Variants in RTRAF observed in about 807,000 individuals in gnomAD.
RTRAF encodes the protein tRNA-splicing ligase complex subunit RTRAF.
Under a neutral mutation model 34.4 loss-of-function variants are expected in RTRAF, and 14 were observed. That is an observed-to-expected ratio of 0.41 (90% CI 0.27 to 0.64). The LOEUF is 0.64. RTRAF is among the 30% of genes least tolerant of loss of function. The pLI, the probability that RTRAF is intolerant of heterozygous loss-of-function variation, is 0.34. For synonymous variants in RTRAF, 96 were observed against 95.3 expected (o/e 1.01, Z -0.04); for missense variants, 291 against 288.4 (o/e 1.01, Z -0.06).
At chr14:51,992,921 C>G (rs1890455666) in intron 2 of RTRAF, among the ~76,000 whole-genome samples, 2 of 151,998 alleles carry the variant, frequency 1.3e-5, no homozygotes, top group Non-Finnish European at 2.9e-5. Flanking sequence ...TCTCAGCTGC[C>G]CAGGGGGCTG....
rs2140325051 is a variant in RTRAF, at chr14:51,989,569, G to T, written c.-71G>T. 5 of 1,503,230 alleles carry T rather than the reference G, an allele frequency of 3.3e-6. No homozygotes were observed. The highest frequency in any genetic ancestry group is 2.6e-5 in the East Asian group (1 of 38,866). 93.1% of individuals were successfully genotyped at this position (1,503,230 alleles called of 1,614,324 possible). On this transcript the variant is annotated 5_prime_UTR_variant, in exon 1 of 8. Coordinates refer to ENST00000261700, the MANE Select transcript of RTRAF (RefSeq NM_016039.3). ...CCCTCTCGCCGCGTCGCCGGTGCCT[G>T]CGCCTCCCGCTCCACCTCGCTTCTT... is the stretch of plus-strand genomic sequence containing the variant.
At position 51,998,525 on chromosome 14, in the gene RTRAF, T is replaced by G. The variant is rs1223261556; in HGVS notation, c.318T>G (p.Asn106Lys). The G allele has an allele frequency of 6.3e-7, 1 of 1,590,322 alleles. No individual in the cohort carries two copies. The highest frequency in any genetic ancestry group is 8.6e-7 in the Non-Finnish European group (1 of 1,168,236). The change falls in exon 4 of 8, where the codon AAT (asparagine) becomes AAG (lysine). Residue 106 changes from asparagine (N) to lysine (K), a missense_variant. Physicochemically the swap from Asn to Lys is moderately conservative, Grantham distance 94. Coordinates refer to ENST00000261700, the MANE Select transcript of RTRAF (RefSeq NM_016039.3). ...AATACAAGGATTTAGTACCTGATAA[T>G]TCAAAAACTGCTGACAATGCAACTA... Reference protein sequence around the residue: ...AEKYKDLVPDNSKTADNATKN... With the variant: ...AEKYKDLVPDKSKTADNATKN...
chr14:51,995,845 A>G (rs1890513181), intron 3 of RTRAF, among the ~76,000 whole-genome samples: 1 of 152,206 alleles, frequency 6.6e-6, no homozygotes, highest in South Asian at 2.1e-4. Flanking sequence ...TAGAAAATAC[A>G]TGTATTCATA....
At chr14:51,996,286 CAG>C (rs1890520677) in intron 3 of RTRAF, among the ~76,000 whole-genome samples, 1 of 152,086 alleles carries the variant, frequency 6.6e-6, no homozygotes, top group Middle Eastern at 3.2e-3. Flanking sequence ...ATTGCAAAAA[CAG>C]ACTTGAAAAT....
rs1262592267 is a variant in RTRAF at position 52,005,950 on chromosome 14, C to T, written c.*1434C>T. The T allele has an allele frequency of 7.3e-6, 6 of 819,750 alleles. No homozygotes were observed. Among genetic ancestry groups the T allele is most frequent in the Admixed American group, 3.9e-5 (2 of 51,044 alleles). The allele number at this position is 819,750 out of a possible 1,614,324, so 50.8% of individuals were successfully genotyped here. On this transcript the variant is annotated 3_prime_UTR_variant, in exon 8 of 8. Coordinates refer to ENST00000261700, the MANE Select transcript of RTRAF (RefSeq NM_016039.3). ...AGTTGCAATAGAGGAAAATTTCTGG[C>T]AGCCTTCTCTGTCCCAGGGCTGGTG...
intron 6 of RTRAF, among the ~76,000 whole-genome samples, chr14:52,002,746 ATGT>A (rs1187388774): frequency 6.6e-6 from 1 of 152,142 alleles, no homozygotes; most frequent in Non-Finnish European, 1.5e-5. Flanking sequence ...GGGCACAACT[ATGT>A]TGTTTGTCCT....
chr14:52,004,370 C>A lies in RTRAF; in HGVS notation c.589C>A (p.Leu197Ile). The A allele has an allele frequency of 1.2e-6, 2 of 1,613,374 alleles. No individual in the cohort carries two copies. The highest frequency in any genetic ancestry group is 1.3e-5 in the African/African-American group (1 of 74,960). ...ILGFDTGDAV[L>I]NEAAQILRLL... ...CTTTTCTCATAAAACAGATGCAGTT[C>A]TTAATGAAGCTGCTCAAATTCTGCG... is the stretch of plus-strand genomic sequence containing the variant. Residue 197 changes from leucine (L) to isoleucine (I), a missense_variant, in exon 8 of 8, where the codon CTT becomes ATT. Physicochemically the swap from Leu to Ile is conservative, Grantham distance 5. Transcript: ENST00000261700.
rs1890739407 is a variant in RTRAF at position 52,005,544 on chromosome 14, G to A, written c.*1028G>A. ...GGACAGGGTGGTGGGTGAGTATATT[G>A]TAACCAAGTTGCAACAGCAAGTCTT... On this transcript the variant is annotated 3_prime_UTR_variant, in exon 8 of 8. Transcript: ENST00000261700. 1 of 1,581,804 alleles carries A rather than the reference G, an allele frequency of 6.3e-7. No homozygotes were observed. The highest frequency in any genetic ancestry group is 8.6e-7 in the Non-Finnish European group (1 of 1,164,746).
chr14:51,998,743 A>G (rs984859801), intron 4 of RTRAF, among the ~76,000 whole-genome samples, 163 bp downstream of exon 4: 6 of 151,910 alleles, frequency 3.9e-5, no homozygotes, highest in Admixed American at 1.3e-4. Context: ...TGTTTTTATG[A>G]TGTGCTTTCT....
Position 52,007,951 on chromosome 14 carries a change from CTGTCCAGTACAAG to C in RTRAF, c.*3437_*3449del. On this transcript the variant is annotated 3_prime_UTR_variant, in exon 8 of 8. Coordinates refer to ENST00000261700, the MANE Select transcript of RTRAF (RefSeq NM_016039.3). ...ATTTTAGGAGCTTCTCTATTCCAGT[CTGTCCAGTACAAG>C]TTGCTGTAAGTTAAAAATCAAGATT... The C allele has an allele frequency of 6.2e-7, 1 of 1,604,128 alleles. No individual in the cohort carries two copies. The highest frequency in any genetic ancestry group is 8.5e-7 in the Non-Finnish European group (1 of 1,177,010).
In RTRAF at chr14:51,993,814, G is replaced by C; in HGVS notation, c.278G>C (p.Gly93Ala). 6 of 1,561,652 alleles carry C rather than the reference G, an allele frequency of 3.8e-6. No individual in the cohort carries two copies. The highest frequency in any genetic ancestry group is 5.2e-6 in the Non-Finnish European group (6 of 1,142,934). The change falls in exon 3 of 8, where the codon GGA becomes GCA. Residue 93 changes from glycine to alanine, a missense_variant. Coordinates refer to ENST00000261700, the MANE Select transcript of RTRAF (RefSeq NM_016039.3). ...LLGLAVRLEY[G>A]DNAEKYKDLV... ...GGTTTAGCTGTTAGACTTGAATATG[G>C]AGATAATGGTACGTTTTGTGGGGAA...
At chr14:51,997,959 C>T (rs568157565) in intron 3 of RTRAF, 15 of 151,898 alleles carry the variant, frequency 9.9e-5, no homozygotes, top group African/African-American at 3.6e-4. Context: ...ATATTTGTGT[C>T]ACATAGTCCA....
rs1368269398 is a variant in RTRAF at position 52,008,761 on chromosome 14, T to C, written c.*4245T>C. On this transcript the variant is annotated 3_prime_UTR_variant, in exon 8 of 8. Coordinates refer to ENST00000261700, the MANE Select transcript of RTRAF (RefSeq NM_016039.3). ...TTAGGAATGGCTTCGATACAAACTA[T>C]GGAACTTGAAGAGATGTGGACCAGG... The C allele has an allele frequency of 6.6e-6, 1 of 152,190 alleles. No individual in the cohort carries two copies. The highest frequency in any genetic ancestry group is 1.5e-5 in the Non-Finnish European group (1 of 68,016). 9.4% of individuals were successfully genotyped at this position (152,190 alleles called of 1,614,324 possible).
In RTRAF at chr14:51,989,567, C is replaced by T. The variant is rs1189138714; in HGVS notation, c.-73C>T. On this transcript the variant is annotated 5_prime_UTR_variant, in exon 1 of 8. Coordinates refer to ENST00000261700, the MANE Select transcript of RTRAF (RefSeq NM_016039.3). ...CGCCCTCTCGCCGCGTCGCCGGTGCCTGCGCCTCCCGCTCCACCTCGCTTC... is the reference window on the plus strand; with the variant it reads ...CGCCCTCTCGCCGCGTCGCCGGTGCTTGCGCCTCCCGCTCCACCTCGCTTC... The T allele has an allele frequency of 4.0e-6, 6 of 1,498,154 alleles. No individual in the cohort carries two copies. The highest frequency in any genetic ancestry group is 1.4e-5 in the African/African-American group (1 of 70,598). The allele number at this position is 1,498,154 out of a possible 1,614,324, so 92.8% of individuals were successfully genotyped here.
In RTRAF at chr14:52,004,556, T is replaced by TGGGAACCATACACTTCTGGCATG. The variant is rs1890679258; in HGVS notation, c.*41_*63dup. The TGGGAACCATACACTTCTGGCATG allele has an allele frequency of 6.3e-7, 1 of 1,575,962 alleles. No homozygotes were observed. The highest frequency in any genetic ancestry group is 2.3e-5 in the East Asian group (1 of 44,444). ...CAGCTTCTCACCTACTTAGTACAGTTGGGAACCATACACTTCTGGCATGTT... is the reference window on the plus strand; with the variant it reads ...CAGCTTCTCACCTACTTAGTACAGTTGGGAACCATACACTTCTGGCATGGGGAACCATACACTTCTGGCATGTT... On this transcript the variant is annotated 3_prime_UTR_variant, in exon 8 of 8. Coordinates refer to ENST00000261700, the MANE Select transcript of RTRAF (RefSeq NM_016039.3).
chr14:51,990,618 G>A (rs1257422142), intron 1 of RTRAF, among the ~76,000 whole-genome samples: 1 of 152,148 alleles, frequency 6.6e-6, no homozygotes, highest in Non-Finnish European at 1.5e-5. Context: ...TAACAAAAAA[G>A]TATCAGTGAC....
At chr14:52,001,631 C>A (rs906447965) in intron 5 of RTRAF, among the ~76,000 whole-genome samples, 167 bp from the exon 6 acceptor site, 1 of 152,052 alleles carries the variant, frequency 6.6e-6, no homozygotes, top group Non-Finnish European at 1.5e-5. Context: ...TGAAAGGTTA[C>A]GTTATATTAG....
chr14:51,993,844 T>A, intron 3 of RTRAF, 22 bp downstream of exon 3: 1 of 1,395,870 alleles, frequency 7.2e-7, no homozygotes, highest in Non-Finnish European at 9.9e-7. Context: ...GGGGAATGTG[T>A]ATTTTAAAGA....
At position 52,004,220 on chromosome 14, in the gene RTRAF, T is replaced by G. The variant is rs373843741; in HGVS notation, c.558T>G (p.His186Gln). The G allele has an allele frequency of 6.2e-7, 1 of 1,613,530 alleles. No individual in the cohort carries two copies. Among genetic ancestry groups the G allele is most frequent in the Non-Finnish European group, 8.5e-7 (1 of 1,179,556 alleles). ...GCTTACCTGTTGCTTTAGACAAACA[T>G]ATTCTTGGTTTTGACACAGGAGGTA... is the stretch of plus-strand genomic sequence containing the variant. ...KEGLPVALDK[H>Q]ILGFDTGDAV... Residue 186 changes from histidine to glutamine, a missense_variant, in exon 7 of 8, where the codon CAT (histidine) becomes CAG (glutamine). Coordinates refer to ENST00000261700, the MANE Select transcript of RTRAF (RefSeq NM_016039.3).
Sources: allele counts gnomAD v4.1 joint callset (sites outside exome capture counted in the v4.1 genomes callset), GRCh38; gene constraint gnomAD v4.1.1; transcripts MANE v1.5; gene names NCBI Gene and HGNC (gene_info 2026-07-23, HGNC 2026-07-21).